RAD18: variants seen among roughly 807,000 people sequenced by gnomAD.
RAD18 encodes the protein E3 ubiquitin-protein ligase RAD18.
A neutral mutation model predicts 60.4 loss-of-function variants in RAD18; 47 were observed. The ratio of observed to expected loss-of-function variants is 0.78; its 90% CI spans 0.62 to 0.99. The LOEUF is 0.99. Among genes scored for constraint, RAD18 ranks in the 50% least tolerant of loss-of-function variants. RAD18 has a pLI of 0.00. For missense variants in RAD18, 640 were observed against 593.3 expected (o/e 1.08, Z -0.82); for synonymous variants, 225 against 195.5 (o/e 1.15, Z -1.26).
intron 7 of RAD18, among the ~76,000 whole-genome samples, chr3:8,929,255 CA>C (rs1940505122): frequency 6.6e-6 from 1 of 151,530 alleles, no homozygotes. Context: ...AATAGGAAAA[CA>C]GACAAAAACT....
intron 9 of RAD18, among the ~76,000 whole-genome samples, chr3:8,904,350 G>A (rs1216267009): frequency 1.3e-5 from 2 of 152,154 alleles, no homozygotes; most frequent in Non-Finnish European, 2.9e-5. Context: ...GCACAAGGAA[G>A]AAAATAGTTG....
chr3:8,881,884 G>A (rs1939469151), intron 12 of RAD18, among the ~76,000 whole-genome samples: 1 of 152,172 alleles, frequency 6.6e-6, no homozygotes, highest in African/African-American at 2.4e-5. Flanking sequence ...TCCAAAGATG[G>A]GCCACACTTC....
intron 4 of RAD18, among the ~76,000 whole-genome samples, chr3:8,943,470 T>C (rs2124832190): frequency 6.6e-6 from 1 of 151,938 alleles, no homozygotes; most frequent in South Asian, 2.1e-4. Context: ...CAATACAAAC[T>C]TGAAGGCAGG....
At chr3:8,918,801 C>G (rs1940257290) in intron 7 of RAD18, among the ~76,000 whole-genome samples, 1 of 152,216 alleles carries the variant, frequency 6.6e-6, no homozygotes, top group African/African-American at 2.4e-5. Flanking sequence ...GCAGTATTAT[C>G]AGAGAGCAAG....
intron 7 of RAD18, among the ~76,000 whole-genome samples, chr3:8,919,832 C>T (rs45472294): frequency 1.3e-4 from 15 of 112,504 alleles, no homozygotes; most frequent in Admixed American, 2.8e-4. Flanking sequence ...AATAAGAAGA[C>T]GGTAATGAAA....
chr3:8,907,685 T>C (rs1940036205), intron 9 of RAD18, among the ~76,000 whole-genome samples: 1 of 152,224 alleles, frequency 6.6e-6, no homozygotes, highest in Non-Finnish European at 1.5e-5. Context: ...CTTCAGATGG[T>C]GCAGCTTCAG....
intron 7 of RAD18, among the ~76,000 whole-genome samples, chr3:8,921,213 T>A (rs986931684): frequency 6.6e-6 from 1 of 152,196 alleles, no homozygotes; most frequent in Non-Finnish European, 1.5e-5. Context: ...GTACAAAGGG[T>A]ACAGTCTATG....
chr3:8,936,511 T>C (rs755417103), intron 6 of RAD18, among the ~76,000 whole-genome samples: 4 of 152,206 alleles, frequency 2.6e-5, no homozygotes, highest in Non-Finnish European at 5.9e-5. Context: ...AGGAACTTCT[T>C]AGTGAGTTTT....
chr3:8,882,563 C>G (rs1270084768), intron 12 of RAD18, among the ~76,000 whole-genome samples: 1 of 152,178 alleles, frequency 6.6e-6, no homozygotes, highest in Non-Finnish European at 1.5e-5. Flanking sequence ...GGCTGTTTCC[C>G]ACCATCAGCC....
chr3:8,911,853 C>T (rs898920262), intron 9 of RAD18, among the ~76,000 whole-genome samples: 4 of 152,130 alleles, frequency 2.6e-5, no homozygotes, highest in Non-Finnish European at 5.9e-5. Flanking sequence ...AAGATATACA[C>T]GAAGACCATT....
At chr3:8,934,000 A>G (rs1940607848) in intron 7 of RAD18, among the ~76,000 whole-genome samples, 1 of 152,230 alleles carries the variant, frequency 6.6e-6, no homozygotes, top group African/African-American at 2.4e-5. Context: ...ATGTACAATT[A>G]GCTGATTCTC....
intron 9 of RAD18, among the ~76,000 whole-genome samples, chr3:8,905,874 A>G (rs7625302): frequency 0.04 from 6,052 of 152,320 alleles, 404 homozygotes; most frequent in African/African-American, 0.14. Context: ...TTTGAAAAAT[A>G]TAGAATCATT....
intron 5 of RAD18, among the ~76,000 whole-genome samples, chr3:8,940,917 A>G (rs1559792810): frequency 6.6e-6 from 1 of 152,208 alleles, no homozygotes; most frequent in Non-Finnish European, 1.5e-5. Context: ...TAGGGTGGGT[A>G]TGTGAACTTT....
chr3:8,882,290 G>A (rs1939478830), intron 12 of RAD18, among the ~76,000 whole-genome samples: 2 of 152,196 alleles, frequency 1.3e-5, no homozygotes, highest in African/African-American at 4.8e-5. Flanking sequence ...CTGCCTCAAG[G>A]GGAGGCATAT....
chr3:8,897,117 C>CT (rs936887280), intron 11 of RAD18, among the ~76,000 whole-genome samples: 3 of 151,986 alleles, frequency 2.0e-5, no homozygotes, highest in Non-Finnish European at 4.4e-5. Flanking sequence ...AAAGGAAATT[C>CT]TTTTTTTTAA....
rs1256410220 is a variant in RAD18, at chr3:8,880,810, T to G, written c.*547A>C. ...GTAAGACACAGGTCTAACAAACAAC[T>G]ACATTAACCTCGGGCAACAACCATC... On this transcript the variant is annotated 3_prime_UTR_variant, in exon 13 of 13. Transcript: ENST00000264926. The G allele has an allele frequency of 6.6e-6, 1 of 152,566 alleles. No homozygotes were observed. Among genetic ancestry groups the G allele is most frequent in the Non-Finnish European group, 1.5e-5 (1 of 68,336 alleles). 9.5% of individuals were successfully genotyped at this position (152,566 alleles called of 1,614,324 possible). A position where few individuals can be genotyped will look rare whatever the true frequency, so the allele number is the denominator to read the frequency against.
chr3:8,961,494 T>C (rs900714185), intron 1 of RAD18, among the ~76,000 whole-genome samples: 4 of 152,216 alleles, frequency 2.6e-5, no homozygotes, highest in Non-Finnish European at 5.9e-5. Context: ...CTCCAAAGTC[T>C]TTCTGTGAAT....
chr3:8,922,693 G>A (rs1300647394), intron 7 of RAD18, among the ~76,000 whole-genome samples: 6 of 152,136 alleles, frequency 3.9e-5, no homozygotes, highest in South Asian at 4.1e-4. Flanking sequence ...CACCTCACAC[G>A]GCCAGGTACC....
intron 7 of RAD18, among the ~76,000 whole-genome samples, chr3:8,926,092 T>C (rs1225995137): frequency 1.3e-5 from 2 of 151,810 alleles, no homozygotes; most frequent in African/African-American, 2.4e-5. Context: ...AAATAAAGGG[T>C]ATTCAATTAG....
Sources: gnomAD v4.1 joint callset for allele counts (sites outside exome capture counted in the v4.1 genomes callset) on GRCh38, gnomAD v4.1.1 for gene constraint, MANE v1.5 for transcripts, NCBI Gene and HGNC (gene_info 2026-07-23, HGNC 2026-07-21) for gene names.